Variants in HK1 observed in about 807,000 individuals in gnomAD.
HK1 encodes hexokinase 1, also known as hexokinase-1.
HK1 carries 28 observed loss-of-function variants against 91.6 expected under a neutral mutation model. The observed-to-expected ratio is 0.31, with a 90% CI of 0.23 to 0.42. The LOEUF (loss-of-function observed/expected upper bound fraction) is 0.42, where lower values mean the gene tolerates loss of function less well. Among genes scored for constraint, HK1 ranks in the 10% least tolerant of loss-of-function variants. The pLI is 1.00. For synonymous variants in HK1, 430 were observed against 468.1 expected (o/e 0.92, Z 1.05); for missense variants, 770 against 1,219.8 (o/e 0.63, Z 5.49).
chr10:69,347,346 A>G (rs148376520), intron 2 of HK1, among the ~76,000 whole-genome samples: 1 of 152,072 alleles, frequency 6.6e-6, no homozygotes, highest in Non-Finnish European at 1.5e-5. Context: ...GGCAGGAGAC[A>G]GGGAACAGTA....
intron 2 of HK1, among the ~76,000 whole-genome samples, chr10:69,345,688 C>T (rs1228100974): frequency 6.6e-6 from 1 of 152,146 alleles, no homozygotes; most frequent in African/African-American, 2.4e-5. Context: ...GGAGGAGACA[C>T]TTTGCCTCCT....
At chr10:69,271,454 A>C (rs1247101486) in intron 1 of HK1, among the ~76,000 whole-genome samples, 1 of 150,486 alleles carries the variant, frequency 6.6e-6, no homozygotes, top group African/African-American at 2.5e-5. Context: ...GCAGGAACCT[A>C]ATAACAATGA....
intron 8 of HK1, 127 bp from the exon 9 acceptor site, chr10:69,379,730 TCATCC>T (rs924249697): frequency 6.5e-6 from 5 of 770,898 alleles, no homozygotes; most frequent in African/African-American, 1.7e-5. Flanking sequence ...TTGACAGTCT[TCATCC>T]CATACCATCC....
At chr10:69,314,652 C>T (rs1373403174), upstream of HK1, among the ~76,000 whole-genome samples, 2 of 148,678 alleles carry the variant, frequency 1.3e-5, no homozygotes, top group East Asian at 1.9e-4. Flanking sequence ...TTTCTTTTCT[C>T]TTCTCTTCTC....
chr10:69,303,282 A>T (rs902741925), intron 5 of HK1, among the ~76,000 whole-genome samples: 1 of 152,050 alleles, frequency 6.6e-6, no homozygotes, highest in African/African-American at 2.4e-5. Context: ...TATGGGCATC[A>T]TTCCCAGAGT....
intron 13 of HK1, 82 bp downstream of exon 13, chr10:69,386,500 C>G: frequency 8.6e-7 from 1 of 1,167,512 alleles, no homozygotes; most frequent in Non-Finnish European, 1.2e-6. Flanking sequence ...GTAAAGAATT[C>G]AGGCCAGGCG....
At chr10:69,389,464 TC>T in intron 14 of HK1, 168 bp downstream of exon 14, 2 of 410,340 alleles carry the variant, frequency 4.9e-6, no homozygotes, top group South Asian at 1.7e-5. Context: ...CAGCAGAGTC[TC>T]TGGCGGGGGG....
At position 69,297,670 on chromosome 10, in the gene HK1, G is replaced by A. The variant is rs935066118; in HGVS notation, c.-67+1990G>A. On this transcript the variant is annotated intron_variant, in intron 4 of 21. Transcript: ENST00000360289. ...AGCACTTTGGAAGGCCGGGGTTGGCGTATCACCTGAGGTCGGGTGTTTAAG... is the reference window on the plus strand; with the variant it reads ...AGCACTTTGGAAGGCCGGGGTTGGCATATCACCTGAGGTCGGGTGTTTAAG... 3.2e-4 allele frequency among the ~76,000 whole-genome samples: 48 copies of A among 148,650 alleles called. 2 individuals carry two copies. Among genetic ancestry groups the A allele is most frequent in the African/African-American group, 1.2e-3 (44 of 38,236 alleles).
At chr10:69,333,218 A>G (rs192354173) in intron 1 of HK1, among the ~76,000 whole-genome samples, 1 of 152,362 alleles carries the variant, frequency 6.6e-6, no homozygotes, top group East Asian at 1.9e-4. Flanking sequence ...TTTCTAGCTC[A>G]GTCCAGTCCC....
At chr10:69,386,756 G>A in intron 13 of HK1, 1 of 221,232 alleles carries the variant, frequency 4.5e-6, no homozygotes, top group Admixed American at 5.2e-5. Flanking sequence ...TACAGCCTGG[G>A]CGACAGAGCA....
At chr10:69,331,201 C>A (rs1001652620) in intron 1 of HK1, among the ~76,000 whole-genome samples, 2 of 152,188 alleles carry the variant, frequency 1.3e-5, no homozygotes, top group African/African-American at 4.8e-5. Flanking sequence ...TTTCTTTGGA[C>A]CTTCATTTCC....
At chr10:69,335,841 C>A (rs926420437) in intron 1 of HK1, among the ~76,000 whole-genome samples, 1 of 152,212 alleles carries the variant, frequency 6.6e-6, no homozygotes. Flanking sequence ...CCCGACTGTG[C>A]CCTGTCATCG....
chr10:69,350,489 C>T (rs1471757881), intron 2 of HK1, among the ~76,000 whole-genome samples: 6 of 151,848 alleles, frequency 4.0e-5, no homozygotes, highest in African/African-American at 1.2e-4. Flanking sequence ...GGTGAAACTC[C>T]GTCTCTACTA....
chr10:69,389,363 C>T (rs1303673626), intron 14 of HK1, 67 bp downstream of exon 14: 8 of 1,118,484 alleles, frequency 7.2e-6, no homozygotes, highest in Non-Finnish European at 1.0e-5. Context: ...TTTGTGGGGC[C>T]TTGGCCCAGC....
Position 69,389,189 on chromosome 10 carries a change from T to G in HK1, c.1936-8T>G, listed in dbSNP as rs776985935. On this transcript the variant is annotated splice_polypyrimidine_tract_variant and splice_region_variant and intron_variant, in intron 13 of 17. Coordinates refer to ENST00000359426, the MANE Select transcript of HK1 (RefSeq NM_000188.3). Reference sequence around the variant, plus strand: ...TATTCCTAAAGCTGTGTCCCTTTCTTTGCAAAGGAATTTGACCTGGACGTG... The same window carrying G: ...TATTCCTAAAGCTGTGTCCCTTTCTGTGCAAAGGAATTTGACCTGGACGTG... 2.5e-6 allele frequency: 4 copies of G among 1,610,960 alleles called. No individual in the cohort carries two copies. The South Asian group carries it at 4.4e-5, about 18-fold the overall frequency.
rs963045215 is a variant in HK1, at chr10:69,343,851, C to A, written c.88C>A (p.Arg30=). 1.2e-6 allele frequency: 2 copies of A among 1,613,440 alleles called. No individual in the cohort carries two copies. Among genetic ancestry groups the A allele is most frequent in the Non-Finnish European group, 8.5e-7 (1 of 1,179,436 alleles). ...KKIDKYLYAM[R]LSDETLIDIM... is the part of the protein sequence containing the mutation. ...GATTGACAAGTATCTCTATGCCATG[C>A]GGCTCTCCGATGAAACTCTCATAGA... The change falls in exon 2 of 18, where the codon CGG becomes AGG. Residue 30 remains arginine (R), a synonymous_variant. Transcript: ENST00000359426.
At chr10:69,283,574 A>G (rs1844871501) in intron 2 of HK1, among the ~76,000 whole-genome samples, 1 of 151,784 alleles carries the variant, frequency 6.6e-6, no homozygotes, top group Middle Eastern at 3.4e-3. Context: ...TGAGGTCAGG[A>G]GTTCGAGACC....
chr10:69,328,303 C>G (rs952058358), intron 1 of HK1, among the ~76,000 whole-genome samples: 1 of 152,200 alleles, frequency 6.6e-6, no homozygotes, highest in East Asian at 1.9e-4. Flanking sequence ...CATCTTGAGT[C>G]TATGCCTGAT....
At chr10:69,332,489 A>G (rs996136642) in intron 1 of HK1, among the ~76,000 whole-genome samples, 9 of 151,636 alleles carry the variant, frequency 5.9e-5, no homozygotes, top group African/African-American at 2.2e-4. Context: ...AGCGGTTCTC[A>G]TGCCTCAGCC....
Sources: allele counts gnomAD v4.1 joint callset (sites outside exome capture counted in the v4.1 genomes callset), GRCh38; gene constraint gnomAD v4.1.1; transcripts MANE v1.5; gene names NCBI Gene and HGNC (gene_info 2026-07-23, HGNC 2026-07-21).